The following SARDH variants were observed in gnomAD, a reference collection of about 807,000 sequenced individuals.
SARDH encodes the protein sarcosine dehydrogenase, mitochondrial.
Under a neutral mutation model 109.1 loss-of-function variants are expected in SARDH, and 95 were observed. The ratio of observed to expected loss-of-function variants is 0.87; its 90% CI spans 0.74 to 1.03. The LOEUF (loss-of-function observed/expected upper bound fraction) is 1.03, where lower values mean the gene tolerates loss of function less well. Ranked by LOEUF, SARDH falls within the 50% of genes least tolerant of loss-of-function variation. The pLI is 0.00. For missense variants in SARDH, 1,267 were observed against 1,287.8 expected (o/e 0.98, Z 0.25); for synonymous variants, 572 against 534.8 (o/e 1.07, Z -0.96).
rs957699267 is a variant in SARDH, at chr9:133,687,233, C to A, written c.2070-1947G>T. Among the ~76,000 whole-genome samples the A allele has an allele frequency of 4.6e-5, 7 of 152,314 alleles. No homozygotes were observed. The East Asian group carries it at 1.4e-3, about 29-fold the overall frequency. ...TGGCCAGTTCTGGGCTGCACGACAC[C>A]GTCTCTCCCAGCCACGCAAGGATAT... On this transcript the variant is annotated intron_variant, in intron 16 of 20. Coordinates refer to ENST00000439388, the MANE Select transcript of SARDH (RefSeq NM_001134707.2).
At chr9:133,737,373 C>A (rs117387404) in intron 1 of SARDH, among the ~76,000 whole-genome samples, 106 of 152,326 alleles carry the variant, frequency 7.0e-4, no homozygotes, top group Non-Finnish European at 1.2e-3. Context: ...GCCCGCCTGG[C>A]TCCTGCCTGC....
At position 133,666,609 on chromosome 9, in the gene SARDH, C is replaced by T. The variant is rs1041736340; in HGVS notation, c.2631+126G>A. 2.3e-6 allele frequency: 3 copies of T among 1,276,666 alleles called. No individual in the cohort carries two copies. The East Asian group carries it at 7.8e-5, about 33-fold the overall frequency. 79.1% of individuals were successfully genotyped at this position (1,276,666 alleles called of 1,614,324 possible). ...TCCTCCCTCCTTTCTCTTCCCTCCT[C>T]CTCTTCTGGACCACACCCGTGCCTC... On this transcript the variant is annotated intron_variant, in intron 20 of 20. Transcript: ENST00000439388. The surrounding 1 kb of genome is among the most constrained non-coding windows in gnomAD (Gnocchi z 5.2).
rs779062783 is a variant in SARDH, at chr9:133,702,989, G to A, written c.1595C>T (p.Ala532Val). The part of the protein sequence containing the change: ...YDYYGAYGSR[A>V]HEDYAYRRLL... ...CCTGCGGTAGGCGTAGTCCTCGTGC[G>A]CGCGGCTCCCGTAAGCCCCGTAGTA... The change falls in exon 13 of 21, where the codon GCG becomes GTG. Residue 532 changes from alanine to valine, a missense_variant. Transcript: ENST00000439388. 6 of 1,613,354 alleles carry A rather than the reference G, an allele frequency of 3.7e-6. No homozygotes were observed. The highest frequency in any genetic ancestry group is 2.7e-5 in the African/African-American group (2 of 74,914).
chr9:133,737,994 A>T (rs776419163), intron 1 of SARDH, among the ~76,000 whole-genome samples: 2 of 152,076 alleles, frequency 1.3e-5, no homozygotes, highest in Non-Finnish European at 2.9e-5. Flanking sequence ...TCCTCCTCCC[A>T]GGCTCAGGGG....
intron 17 of SARDH, among the ~76,000 whole-genome samples, chr9:133,672,031 ACTCT>A (rs1206699537): frequency 6.6e-6 from 1 of 151,474 alleles, no homozygotes; most frequent in Admixed American, 6.6e-5. Flanking sequence ...ATAACAGTAA[ACTCT>A]CTCTCGGTTC....
intron 17 of SARDH, among the ~76,000 whole-genome samples, chr9:133,682,857 A>G (rs1219143486): frequency 7.2e-6 from 1 of 138,182 alleles, no homozygotes; most frequent in Non-Finnish European, 1.5e-5. Context: ...ATGGTTGGAA[A>G]CTGCTAGAAG....
At chr9:133,703,085 T>TC (rs1272404643) in intron 12 of SARDH, 56 bp from the exon 13 acceptor site, 2 of 1,469,760 alleles carry the variant, frequency 1.4e-6, no homozygotes, top group African/African-American at 2.8e-5. Flanking sequence ...CCCGCTTCCC[T>TC]CCCCAGAGCG....
At chr9:133,684,700 G>C (rs115676033) in intron 17 of SARDH, among the ~76,000 whole-genome samples, 2,696 of 152,272 alleles carry the variant, frequency 0.018, 98 homozygotes, top group African/African-American at 0.061. Context: ...TGGGGGACAT[G>C]TGGGGTGCTG....
chr9:133,731,268 G>A (rs771934614), intron 4 of SARDH, 37 bp downstream of exon 4: 3 of 1,608,906 alleles, frequency 1.9e-6, no homozygotes, highest in African/African-American at 1.3e-5. Flanking sequence ...GGAGTGGGCT[G>A]GGAACAGGGG....
At chr9:133,690,675 C>T in intron 15 of SARDH, 148 bp from the exon 16 acceptor site, 1 of 883,954 alleles carries the variant, frequency 1.1e-6, no homozygotes, top group Non-Finnish European at 1.7e-6. Flanking sequence ...GTATCTGTCC[C>T]TCCCTGGGTC....
rs1201462200 is a variant in SARDH, at chr9:133,732,606, C to T, written c.332-5G>A. ...GCCGCAGCTGCCACAGCAGGCCTGCCCGGGAGGGTGGGTGCCATCACTCCC... is the reference window on the plus strand; with the variant it reads ...GCCGCAGCTGCCACAGCAGGCCTGCTCGGGAGGGTGGGTGCCATCACTCCC... On this transcript the variant is annotated splice_polypyrimidine_tract_variant and splice_region_variant and intron_variant, in intron 2 of 20. Transcript: ENST00000439388. 1.3e-6 allele frequency: 2 copies of T among 1,597,186 alleles called. No homozygotes were observed. Among genetic ancestry groups the T allele is most frequent in the Admixed American group, 3.4e-5 (2 of 58,796 alleles).
At position 133,703,360 on chromosome 9, in the gene SARDH, A is replaced by G. The variant is rs927179073; in HGVS notation, c.1555-331T>C. ...GACCTCAGCCAGGGCTGCTCCCTGG[A>G]GCCACGGCAATCCCAGGCCCAGCTC... is the stretch of plus-strand genomic sequence containing the variant. On this transcript the variant is annotated intron_variant, in intron 12 of 20. Transcript: ENST00000439388. The G allele has an allele frequency of 2.5e-5, 9 of 356,308 alleles. No homozygotes were observed. The Admixed American group carries it at 3.5e-4, about 14-fold the overall frequency. The allele number at this position is 356,308 out of a possible 1,614,324, so 22.1% of individuals were successfully genotyped here.
intron 18 of SARDH, 24 bp downstream of exon 18, chr9:133,671,511 G>C (rs2797840): frequency 8.2e-4 from 1,240 of 1,521,090 alleles, no homozygotes; most frequent in East Asian, 2.5e-3. Context: ...CCCCCGCCCC[G>C]TGCTGTCCAG....
At position 133,712,531 on chromosome 9, in the gene SARDH, G is replaced by A. The variant is rs1831959291; in HGVS notation, c.1328+88C>T. 1 of 1,210,396 alleles carries A rather than the reference G, an allele frequency of 8.3e-7. No individual in the cohort carries two copies. Among genetic ancestry groups the A allele is most frequent in the African/African-American group, 1.5e-5 (1 of 67,074 alleles). 75.0% of individuals were successfully genotyped at this position (1,210,396 alleles called of 1,614,324 possible). On this transcript the variant is annotated intron_variant, in intron 10 of 20. Coordinates refer to ENST00000439388, the MANE Select transcript of SARDH (RefSeq NM_001134707.2). This position sits in a 1 kb window ranked among gnomAD's most constrained non-coding sequence, Gnocchi z 4.1. ...AGGAAGCCACCTGGATTTCAGGCAAGGCTCCTTTCTCAGTAGCCCTCGCTG... is the reference window on the plus strand; with the variant it reads ...AGGAAGCCACCTGGATTTCAGGCAAAGCTCCTTTCTCAGTAGCCCTCGCTG...
chr9:133,680,919 C>A (rs1483291245), intron 17 of SARDH, among the ~76,000 whole-genome samples: 8 of 152,246 alleles, frequency 5.3e-5, no homozygotes, highest in Non-Finnish European at 1.2e-4. Flanking sequence ...ATGGTTAGCC[C>A]CAGCTCACCC....
intron 11 of SARDH, among the ~76,000 whole-genome samples, chr9:133,705,885 G>A (rs927832994): frequency 1.3e-5 from 2 of 152,118 alleles, no homozygotes; most frequent in Non-Finnish European, 2.9e-5. Context: ...AGGAAGCGAC[G>A]CCAGGGCCCT....
intron 10 of SARDH, among the ~76,000 whole-genome samples, chr9:133,711,173 G>C (rs966616332): frequency 1.3e-5 from 2 of 152,238 alleles, no homozygotes; most frequent in Non-Finnish European, 2.9e-5. Flanking sequence ...TGCTGAGTGC[G>C]GGACTAGGCC....
At position 133,692,723 on chromosome 9, in the gene SARDH, G is replaced by A. The variant is rs757228248; in HGVS notation, c.1921+1535C>T. Among the ~76,000 whole-genome samples the A allele has an allele frequency of 7.2e-5, 11 of 152,112 alleles. No individual in the cohort carries two copies. Among genetic ancestry groups the A allele is most frequent in the East Asian group, 3.9e-4 (2 of 5,174 alleles). On this transcript the variant is annotated intron_variant, in intron 15 of 20. Transcript: ENST00000439388. The surrounding 1 kb of genome is among the most constrained non-coding windows in gnomAD (Gnocchi z 5.0). ...CCTCCTTCACCTCCTCCCGACCCTG[G>A]CTACCTGGTGCTTCCACACAGTGCA...
In SARDH at chr9:133,694,237, G is replaced by A. The variant is rs1469412584; in HGVS notation, c.1921+21C>T. 4 of 1,512,132 alleles carry A rather than the reference G, an allele frequency of 2.6e-6. No individual in the cohort carries two copies. In the Admixed American group the frequency reaches 7.9e-5, roughly 30 times the overall value. The allele number at this position is 1,512,132 out of a possible 1,614,324, so 93.7% of individuals were successfully genotyped here. The stretch of plus-strand genomic sequence containing the variant: ...GAGCAGGCCGCAGTCACAGCGCCGT[G>A]TGCACAGAGGCATCCCATACCTTCA... On this transcript the variant is annotated intron_variant, in intron 15 of 20. Coordinates refer to ENST00000439388, the MANE Select transcript of SARDH (RefSeq NM_001134707.2).
Sources: gnomAD v4.1 joint callset for allele counts (sites outside exome capture counted in the v4.1 genomes callset) on GRCh38, gnomAD v4.1.1 for gene constraint, Gnocchi (gnomAD v3.1) non-coding constraint, MANE v1.5 for transcripts, NCBI Gene and HGNC (gene_info 2026-07-23, HGNC 2026-07-21) for gene names.